The following SMCHD1 variants were observed in gnomAD, a reference collection of about 807,000 sequenced individuals.
The protein encoded by SMCHD1 is structural maintenance of chromosomes flexible hinge domain-containing protein 1.
A neutral mutation model predicts 254.7 loss-of-function variants in SMCHD1; 78 were observed. The ratio of observed to expected loss-of-function variants is 0.31; its 90% CI spans 0.26 to 0.37. SMCHD1 has a LOEUF of 0.37. Ranked by LOEUF, SMCHD1 falls within the 10% of genes least tolerant of loss-of-function variation. The probability of loss-of-function intolerance (pLI) is 1.00; values close to 1 mark genes in which losing one functional copy is unlikely to be tolerated. For synonymous variants in SMCHD1, 766 were observed against 794.9 expected, an observed-to-expected ratio of 0.96 and a Z score of 0.61; for missense variants, 1,840 against 2,408.1, an observed-to-expected ratio of 0.76 and a Z score of 4.94.
At chr18:2,710,730 G>T (rs2074647347) in intron 17 of SMCHD1, among the ~76,000 whole-genome samples, 1 of 152,132 alleles carries the variant, frequency 6.6e-6, no homozygotes, top group Non-Finnish European at 1.5e-5. Flanking sequence ...ACCAAAATGA[G>T]AATCTTGTCC....
chr18:2,780,238 T>A (rs190598323), intron 44 of SMCHD1, among the ~76,000 whole-genome samples: 1 of 69,362 alleles, frequency 1.4e-5, no homozygotes. Flanking sequence ...AGACTCTATC[T>A]AAAAAAAAAA....
At chr18:2,733,921 T>G (rs1230096614) in intron 25 of SMCHD1, among the ~76,000 whole-genome samples, 1 of 152,226 alleles carries the variant, frequency 6.6e-6, no homozygotes, top group Non-Finnish European at 1.5e-5. Context: ...TCATAGACTC[T>G]TAGTACGGAG....
intron 28 of SMCHD1, among the ~76,000 whole-genome samples, chr18:2,742,944 G>A (rs377398325): frequency 6.6e-6 from 1 of 152,174 alleles, no homozygotes. Flanking sequence ...AAAGTGCTGG[G>A]ATTATAGTCA....
At chr18:2,673,708 T>G (rs896710296) in intron 4 of SMCHD1, among the ~76,000 whole-genome samples, 1 of 152,218 alleles carries the variant, frequency 6.6e-6, no homozygotes, top group Admixed American at 6.5e-5. Flanking sequence ...AGATTTTTTT[T>G]CTGTATTTTT....
intron 24 of SMCHD1, among the ~76,000 whole-genome samples, chr18:2,730,638 ATACT>A (rs1438448341): frequency 3.9e-5 from 6 of 152,236 alleles, no homozygotes; most frequent in Non-Finnish European, 8.8e-5. Context: ...AGGGTAACAG[ATACT>A]TAAGTAAAAT....
rs777716268 is a variant in SMCHD1 at position 2,697,875 on chromosome 18, A to G, written c.1176A>G (p.Leu392=). The part of the protein sequence containing the change: ...EKGKVPKIVN[L]REIQDDMQTL... The stretch of plus-strand genomic sequence containing the variant: ...GGAAGGTACCTAAGATTGTCAACCT[A>G]AGGGAAATACAAGACGACATGCAGA... Residue 392 remains leucine, a synonymous_variant, in exon 10 of 48, where the codon CTA becomes CTG. Transcript: ENST00000320876. The G allele has an allele frequency of 9.3e-6, 15 of 1,613,376 alleles. No homozygotes were observed. Among genetic ancestry groups the G allele is most frequent in the Non-Finnish European group, 2.5e-6 (3 of 1,179,436 alleles).
chr18:2,666,136 T>G, intron 1 of SMCHD1, 21 bp from the exon 2 acceptor site: 1 of 1,212,384 alleles, frequency 8.2e-7, no homozygotes, highest in Non-Finnish European at 1.2e-6. Context: ...AATAAGTGAT[T>G]TTATTTCTTA....
In SMCHD1 at chr18:2,726,610, T is replaced by C. The variant is rs549914886; in HGVS notation, c.2773+86T>C. ...ATATGAAGTTAGAGGTTTTTGGGCT[T>C]TTAGTAGTGGTGTAAATCTTGAAAA... On this transcript the variant is annotated intron_variant, in intron 22 of 47. Coordinates refer to ENST00000320876, the MANE Select transcript of SMCHD1 (RefSeq NM_015295.3). The C allele has an allele frequency of 3.9e-5, 22 of 567,864 alleles. No individual in the cohort carries two copies. In the African/African-American group the frequency reaches 4.2e-4, roughly 11 times the overall value. 35.2% of individuals were successfully genotyped at this position (567,864 alleles called of 1,614,324 possible). A position where few individuals can be genotyped will look rare whatever the true frequency, so the allele number is the denominator to read the frequency against.
At chr18:2,788,727 G>C (rs2076275914) in intron 45 of SMCHD1, among the ~76,000 whole-genome samples, 1 of 151,942 alleles carries the variant, frequency 6.6e-6, no homozygotes, top group Non-Finnish European at 1.5e-5. Context: ...AGCCTCCCAA[G>C]TGCTGGGATT....
Position 2,679,081 on chromosome 18 carries a change from C to T in SMCHD1, c.638+4936C>T, listed in dbSNP as rs569043727. ...CAGGCTGGTCTTGAACTCTTGACCT[C>T]GTGATCTGCCTGCCTCGGCCTCCCG... On this transcript the variant is annotated intron_variant, in intron 5 of 47. Coordinates refer to ENST00000320876, the MANE Select transcript of SMCHD1 (RefSeq NM_015295.3). 4.2e-3 allele frequency among the ~76,000 whole-genome samples: 627 copies of T among 150,842 alleles called. 4 individuals carry two copies. The highest frequency in any genetic ancestry group is 0.015 in the African/African-American group (606 of 41,328).
Position 2,709,228 on chromosome 18 carries a change from A to ATGTG in SMCHD1, c.2260+1310_2260+1313dup, listed in dbSNP as rs150894551. 9.3e-3 allele frequency among the ~76,000 whole-genome samples: 1,013 copies of ATGTG among 108,816 alleles called. 12 individuals carry two copies. Among genetic ancestry groups the ATGTG allele is most frequent in the South Asian group, 0.05 (184 of 3,684 alleles). The allele number at this position is 108,816 out of a possible 152,430, so 71.4% of individuals were successfully genotyped here. A position where few individuals can be genotyped will look rare whatever the true frequency, so the allele number is the denominator to read the frequency against. ...CCCTTGTGTGTGTATATATGTGTATATGTGTATATATATATATATATACAC... is the reference window on the plus strand; with the variant it reads ...CCCTTGTGTGTGTATATATGTGTATATGTGTGTGTATATATATATATATATACAC... On this transcript the variant is annotated intron_variant, in intron 17 of 47. Coordinates refer to ENST00000320876, the MANE Select transcript of SMCHD1 (RefSeq NM_015295.3).
Position 2,656,231 on chromosome 18 carries a change from C to G in SMCHD1, c.156C>G (p.Asp52Glu). 2.0e-6 allele frequency: 3 copies of G among 1,503,682 alleles called. No individual in the cohort carries two copies. Among genetic ancestry groups the G allele is most frequent in the Non-Finnish European group, 1.8e-6 (2 of 1,135,542 alleles). The allele number at this position is 1,503,682 out of a possible 1,614,324, so 93.1% of individuals were successfully genotyped here. The change falls in exon 1 of 48, where the codon GAC becomes GAG. Residue 52 changes from aspartate (D) to glutamate (E), a missense_variant. This residue lies in a region of SMCHD1 where 115 missense variants were observed against 99.1 expected (regional missense o/e 1.16). Transcript: ENST00000320876. The stretch of plus-strand genomic sequence containing the variant: ...CTCTGCAGGTCGGGGAGCGCTCGGA[C>G]TACGCGGGATTTCGCGCGTGTGTGT... ...DRPLQVGERS[D>E]YAGFRACVCQ...
intron 5 of SMCHD1, among the ~76,000 whole-genome samples, chr18:2,684,826 G>A (rs1031692971): frequency 6.6e-5 from 10 of 151,432 alleles, no homozygotes; most frequent in South Asian, 2.1e-4. Context: ...ATTTATCACA[G>A]TCTGTATTAA....
At chr18:2,772,654 G>C (rs986353995) in intron 41 of SMCHD1, among the ~76,000 whole-genome samples, 1 of 152,158 alleles carries the variant, frequency 6.6e-6, no homozygotes, top group African/African-American at 2.4e-5. Flanking sequence ...GTTTTTGGAG[G>C]GGGAGACAGT....
At chr18:2,712,318 CTCTT>C (rs988375589) in intron 17 of SMCHD1, among the ~76,000 whole-genome samples, 1 of 151,238 alleles carries the variant, frequency 6.6e-6, no homozygotes, top group African/African-American at 2.4e-5. Context: ...GTGTTCTCTC[CTCTT>C]TAAGTTTTTG....
At chr18:2,757,531 TA>T (rs1253564571) in intron 34 of SMCHD1, among the ~76,000 whole-genome samples, 1 of 152,198 alleles carries the variant, frequency 6.6e-6, no homozygotes, top group Non-Finnish European at 1.5e-5. Flanking sequence ...AAATATTTTC[TA>T]ATTTTCATTG....
chr18:2,737,718 A>C (rs1419646701), intron 25 of SMCHD1, among the ~76,000 whole-genome samples: 1 of 152,218 alleles, frequency 6.6e-6, no homozygotes, highest in Non-Finnish European at 1.5e-5. Flanking sequence ...AAAAACCAAA[A>C]ATAAAAATAG....
chr18:2,771,756 A>T, intron 40 of SMCHD1, 138 bp downstream of exon 40: 1 of 610,920 alleles, frequency 1.6e-6, no homozygotes, highest in Non-Finnish European at 2.6e-6. Flanking sequence ...ACTAGACATT[A>T]AAAATGACTA....
At chr18:2,721,529 G>A (rs1359120926) in intron 19 of SMCHD1, among the ~76,000 whole-genome samples, 1 of 151,950 alleles carries the variant, frequency 6.6e-6, no homozygotes, top group East Asian at 1.9e-4. Context: ...CCAAGTTTTT[G>A]GCTATTAGAA....
Sources: gnomAD v4.1 joint callset for allele counts (sites outside exome capture counted in the v4.1 genomes callset) on GRCh38, gnomAD v4.1.1 for gene constraint, gnomAD v4.1.1 regional missense constraint, MANE v1.5 for transcripts, NCBI Gene and HGNC (gene_info 2026-07-23, HGNC 2026-07-21) for gene names.